NBAS: variants seen among roughly 807,000 people sequenced by gnomAD.
NBAS encodes the protein NAG/BC035112 fusion.
A neutral mutation model predicts 302.5 loss-of-function variants in NBAS; 219 were observed. That is an observed-to-expected ratio of 0.72 (90% CI 0.65 to 0.81). The LOEUF is 0.81. NBAS is among the 30% of genes least tolerant of loss of function. The pLI is 0.00. For synonymous variants in NBAS, 1,118 were observed against 1,021.6 expected, an observed-to-expected ratio of 1.09 and a Z score of -1.80; for missense variants, 2,932 against 2,841.6, an observed-to-expected ratio of 1.03 and a Z score of -0.72.
chr2:14,835,851 AG>A, the NBAS span, among the ~76,000 whole-genome samples: 2 of 151,986 alleles, frequency 1.3e-5, no homozygotes, highest in Non-Finnish European at 2.9e-5. Context: ...CTAGGTTAAA[AG>A]ATTGCATAGA....
chr2:14,900,866 C>T, the NBAS span, among the ~76,000 whole-genome samples: 1 of 152,314 alleles, frequency 6.6e-6, no homozygotes, highest in South Asian at 2.1e-4. Context: ...GGAGGTGACA[C>T]TGGATTAAGG....
intron 35 of NBAS, among the ~76,000 whole-genome samples, chr2:15,351,362 A>G (rs748935912): frequency 1.3e-5 from 2 of 152,102 alleles, no homozygotes; most frequent in Non-Finnish European, 2.9e-5. Context: ...GATCTCTGGA[A>G]AGGGAGAGAA....
the NBAS span, among the ~76,000 whole-genome samples, chr2:14,848,230 G>T: frequency 1.3e-5 from 2 of 151,202 alleles, no homozygotes; most frequent in Non-Finnish European, 2.9e-5. Flanking sequence ...CGCACCATGC[G>T]AGAGCCGAAG....
the NBAS span, among the ~76,000 whole-genome samples, chr2:14,865,914 C>G: frequency 2.0e-5 from 3 of 152,104 alleles, no homozygotes; most frequent in Non-Finnish European, 2.9e-5. Context: ...GATCAAGATC[C>G]AAACTGAAGA....
chr2:15,218,792 G>T lies in NBAS; in HGVS notation c.6413C>A (p.Ala2138Asp). The T allele has an allele frequency of 6.2e-7, 1 of 1,614,238 alleles. No homozygotes were observed. The highest frequency in any genetic ancestry group is 8.5e-7 in the Non-Finnish European group (1 of 1,180,040). Residue 2138 changes from alanine (A) to aspartate (D), a missense_variant, in exon 48 of 52, where the codon GCC (alanine) becomes GAC (aspartate). Coordinates refer to ENST00000281513, the MANE Select transcript of NBAS (RefSeq NM_015909.4). ...VFFRTEAILK[A>D]SWPQRQVDIA... Reference sequence around the variant, plus strand: ...CCTTACCTGTCTCTGGGGCCAGGAGGCTTTGAGAATGGCTTCAGTTCTAAA... The same window carrying T: ...CCTTACCTGTCTCTGGGGCCAGGAGTCTTTGAGAATGGCTTCAGTTCTAAA...
At chr2:15,197,424 G>C (rs1572431770) in intron 48 of NBAS, among the ~76,000 whole-genome samples, 1 of 152,116 alleles carries the variant, frequency 6.6e-6, no homozygotes, top group Non-Finnish European at 1.5e-5. Flanking sequence ...TGCTGATGAC[G>C]TCTACTTCAT....
In NBAS at chr2:15,276,989, T is replaced by G. The variant is rs760807984; in HGVS notation, c.5251A>C (p.Ile1751Leu). The change falls in exon 43 of 52, where the codon ATT (isoleucine) becomes CTT (leucine). Residue 1751 changes from isoleucine to leucine, a missense_variant. Physicochemically the swap from Ile to Leu is conservative, Grantham distance 5 (BLOSUM62 2). Coordinates refer to ENST00000281513, the MANE Select transcript of NBAS (RefSeq NM_015909.4). ...AGCCTTTCGTGATCAAAGCCACCAA[T>G]AGTAGGGTAAATATACTTGACCATG... ...QHMVKYIYPT[I>L]GGFDHERLQY... is the part of the protein sequence containing the mutation. 1.2e-6 allele frequency: 2 copies of G among 1,613,962 alleles called. No homozygotes were observed. The highest frequency in any genetic ancestry group is 1.7e-6 in the Non-Finnish European group (2 of 1,179,946).
chr2:15,193,303 T>C (rs1220261739), intron 48 of NBAS, among the ~76,000 whole-genome samples: 1 of 152,170 alleles, frequency 6.6e-6, no homozygotes, highest in African/African-American at 2.4e-5. Context: ...CATGCTTGCA[T>C]ACTCCATCAT....
rs762988102 is a variant in NBAS at position 15,178,989 on chromosome 2, G to A, written c.6839C>T (p.Thr2280Met). 43 of 1,613,542 alleles carry A rather than the reference G, an allele frequency of 2.7e-5. No individual in the cohort carries two copies. Among genetic ancestry groups the A allele is most frequent in the African/African-American group, 4.0e-5 (3 of 74,756 alleles). The change falls in exon 51 of 52, where the codon ACG becomes ATG. Residue 2280 changes from threonine to methionine, a missense_variant and splice_region_variant. Physicochemically the swap from Thr to Met is moderately conservative, Grantham distance 81. Coordinates refer to ENST00000281513, the MANE Select transcript of NBAS (RefSeq NM_015909.4). ...GAAAGTAAATTCAACTGGGCATACC[G>A]TAGTGACTGCCGTGATTTGCTCCAG... ...MALEQITAVTTVNDSNCDQEL... is the reference protein window; with the variant it reads ...MALEQITAVTMVNDSNCDQEL...
At chr2:14,787,857 G>T in the NBAS span, among the ~76,000 whole-genome samples, 1 of 152,172 alleles carries the variant, frequency 6.6e-6, no homozygotes, top group Non-Finnish European at 1.5e-5. Flanking sequence ...TCCTGAATCT[G>T]AATGTTGGCC....
At chr2:15,339,421 C>T (rs1442983575) in intron 35 of NBAS, among the ~76,000 whole-genome samples, 1 of 152,146 alleles carries the variant, frequency 6.6e-6, no homozygotes, top group Admixed American at 6.6e-5. Context: ...TCCCATTCAA[C>T]TATTCCTCCC....
the NBAS span, among the ~76,000 whole-genome samples, chr2:14,905,997 G>A: frequency 1.3e-5 from 2 of 152,148 alleles, no homozygotes; most frequent in Non-Finnish European, 2.9e-5. Context: ...ATCAAATCGG[G>A]AGCTTCCCAA....
chr2:15,179,819 T>C (rs1309309611), intron 50 of NBAS: 1 of 152,288 alleles, frequency 6.6e-6, no homozygotes, highest in Non-Finnish European at 1.5e-5. Context: ...ACTGAACCTG[T>C]GGTCACAGAG....
intron 26 of NBAS, chr2:15,397,416 T>C: frequency 5.5e-6 from 2 of 362,268 alleles, no homozygotes; most frequent in Non-Finnish European, 5.0e-6. Context: ...CTGTCTGCAT[T>C]ATTTAAGGAC....
At chr2:15,304,727 C>T (rs1354111851) in intron 40 of NBAS, among the ~76,000 whole-genome samples, 1 of 152,208 alleles carries the variant, frequency 6.6e-6, no homozygotes, top group East Asian at 1.9e-4. Flanking sequence ...TGGCATTTTG[C>T]CCCTGCCCTA....
chr2:14,902,882 T>C, the NBAS span, among the ~76,000 whole-genome samples: 1 of 152,254 alleles, frequency 6.6e-6, no homozygotes, highest in African/African-American at 2.4e-5. Flanking sequence ...ACATTGGCCA[T>C]TCTGAGGAAA....
At chr2:14,916,377 T>A in the NBAS span, among the ~76,000 whole-genome samples, 7 of 152,216 alleles carry the variant, frequency 4.6e-5, no homozygotes, top group African/African-American at 1.7e-4. Context: ...GGCAAGAACA[T>A]TCTGTGAATT....
the NBAS span, among the ~76,000 whole-genome samples, chr2:14,884,955 T>G: frequency 3.3e-5 from 5 of 152,126 alleles, no homozygotes; most frequent in East Asian, 5.8e-4. Context: ...AAGAAGCCCT[T>G]GGTAGACAGA....
the NBAS span, among the ~76,000 whole-genome samples, chr2:14,873,105 C>T: frequency 1.4e-4 from 21 of 152,376 alleles, no homozygotes; most frequent in African/African-American, 5.0e-4. Context: ...GCCCCACCCA[C>T]ATCCTGCTGA....
Sources: allele counts gnomAD v4.1 joint callset (sites outside exome capture counted in the v4.1 genomes callset), GRCh38; gene constraint gnomAD v4.1.1; transcripts MANE v1.5; gene names NCBI Gene and HGNC (gene_info 2026-07-23, HGNC 2026-07-21).